FHIT: variants seen among roughly 807,000 people sequenced by gnomAD.
FHIT encodes the protein fragile histidine triad diadenosine triphosphatase, also known as bis(5'-adenosyl)-triphosphatase.
Under a neutral mutation model 17.9 loss-of-function variants are expected in FHIT, and 19 were observed. The ratio of observed to expected loss-of-function variants is 1.06; its 90% CI spans 0.74 to 1.56. The LOEUF is 1.56. Ranked by LOEUF, FHIT falls within the 40% of genes most tolerant of loss-of-function variation. The pLI is 0.00. For synonymous variants in FHIT, 81 were observed against 69.7 expected, an observed-to-expected ratio of 1.16 and a Z score of -0.81; for missense variants, 248 against 189.2, an observed-to-expected ratio of 1.31 and a Z score of -1.82.
intron 2 of FHIT, among the ~76,000 whole-genome samples, chr3:61,132,020 G>A (rs2036778878): frequency 6.6e-6 from 1 of 152,176 alleles, no homozygotes; most frequent in Non-Finnish European, 1.5e-5. Flanking sequence ...AAACAATTGA[G>A]GTAGAATAGG....
Position 60,536,850 on chromosome 3 carries a change from G to T in FHIT, c.103+10C>A. On this transcript the variant is annotated intron_variant, in intron 5 of 9. Transcript: ENST00000492590. ...TATTTTCCCTCTCCAAAAAAAAAAA[G>T]AAAGGATACGTCCTGGTACCACAGG... 1 of 1,548,544 alleles carries T rather than the reference G, an allele frequency of 6.5e-7. No individual in the cohort carries two copies. Among genetic ancestry groups the T allele is most frequent in the South Asian group, 1.3e-5 (1 of 79,402 alleles).
intron 4 of FHIT, among the ~76,000 whole-genome samples, chr3:60,621,388 A>G (rs1289894281): frequency 2.6e-5 from 4 of 151,930 alleles, no homozygotes; most frequent in Non-Finnish European, 5.9e-5. Flanking sequence ...TGACCTCATG[A>G]TCTGCCCGCC....
intron 5 of FHIT, among the ~76,000 whole-genome samples, chr3:60,455,742 C>T (rs965576168): frequency 7.9e-5 from 12 of 152,022 alleles, no homozygotes; most frequent in Non-Finnish European, 1.3e-4. Flanking sequence ...CTGAGAATGA[C>T]TTCCCTGCTT....
At chr3:59,853,148 T>C (rs1465362593) in intron 8 of FHIT, among the ~76,000 whole-genome samples, 2 of 152,326 alleles carry the variant, frequency 1.3e-5, no homozygotes, top group Admixed American at 6.5e-5. Flanking sequence ...CAGAAATGAA[T>C]GAGAGTTCCT....
At chr3:60,648,896 T>G (rs782262445) in intron 4 of FHIT, among the ~76,000 whole-genome samples, 3 of 152,138 alleles carry the variant, frequency 2.0e-5, no homozygotes, top group Non-Finnish European at 4.4e-5. Context: ...AAGGGGCACG[T>G]GGAGGAATAA....
chr3:61,182,805 C>T (rs13073875), intron 2 of FHIT, among the ~76,000 whole-genome samples: 1 of 152,152 alleles, frequency 6.6e-6, no homozygotes, highest in Admixed American at 6.5e-5. Context: ...TACAAAAGAG[C>T]AGACAGTAGC....
At chr3:60,606,333 C>T (rs759570224) in intron 4 of FHIT, among the ~76,000 whole-genome samples, 19 of 151,744 alleles carry the variant, frequency 1.3e-4, no homozygotes, top group African/African-American at 3.6e-4. Flanking sequence ...CTCTGCCTCC[C>T]GGATTCAAGT....
chr3:60,198,925 A>C lies in FHIT; in HGVS notation c.104-184773T>G, dbSNP rs557590938. ...AGAGAACAAAATTTAAACTAAGTGGAGCACAGGATCATTAACATATTTCCT... is the reference window on the plus strand; with the variant it reads ...AGAGAACAAAATTTAAACTAAGTGGCGCACAGGATCATTAACATATTTCCT... On this transcript the variant is annotated intron_variant, in intron 5 of 9. Transcript: ENST00000492590. Among the ~76,000 whole-genome samples the C allele has an allele frequency of 5.3e-5, 8 of 152,330 alleles. No individual in the cohort carries two copies. The East Asian group carries it at 7.7e-4, about 15-fold the overall frequency.
intron 5 of FHIT, among the ~76,000 whole-genome samples, chr3:60,090,635 C>G (rs911443189): frequency 2.6e-5 from 4 of 152,130 alleles, no homozygotes; most frequent in Admixed American, 2.6e-4. Context: ...AGGTGACAAC[C>G]CTTTCTCTGC....
chr3:59,962,354 G>C (rs1281817677), intron 7 of FHIT, among the ~76,000 whole-genome samples: 3 of 152,104 alleles, frequency 2.0e-5, no homozygotes, highest in South Asian at 2.1e-4. Context: ...TCATTTCATT[G>C]TTCAAAGTTT....
At chr3:60,007,325 G>C (rs1699963644) in intron 7 of FHIT, among the ~76,000 whole-genome samples, 1 of 152,190 alleles carries the variant, frequency 6.6e-6, no homozygotes, top group African/African-American at 2.4e-5. Context: ...GGAAATTTTA[G>C]TCTTCGTTAG....
chr3:60,721,377 G>T (rs557315762), intron 4 of FHIT, among the ~76,000 whole-genome samples: 2 of 151,372 alleles, frequency 1.3e-5, no homozygotes, highest in South Asian at 4.2e-4. Flanking sequence ...TGCCAAAGAA[G>T]CTTTATCTCT....
chr3:60,961,232 T>C (rs1709423317), intron 3 of FHIT, among the ~76,000 whole-genome samples: 1 of 152,232 alleles, frequency 6.6e-6, no homozygotes, highest in South Asian at 2.1e-4. Flanking sequence ...AAATGTCTTC[T>C]TTTGAGAAGT....
intron 5 of FHIT, among the ~76,000 whole-genome samples, chr3:60,097,762 G>A (rs1248904073): frequency 6.0e-5 from 9 of 149,376 alleles, no homozygotes; most frequent in East Asian, 2.0e-4. Flanking sequence ...TGTGCACAAT[G>A]TGCAGGTTTG....
chr3:60,786,643 A>G (rs1314690016), intron 4 of FHIT, among the ~76,000 whole-genome samples: 3 of 152,216 alleles, frequency 2.0e-5, no homozygotes, highest in Non-Finnish European at 2.9e-5. Flanking sequence ...TAACTTTTAT[A>G]TATAATTATA....
At chr3:59,851,238 C>G (rs990747180) in intron 8 of FHIT, among the ~76,000 whole-genome samples, 1 of 152,096 alleles carries the variant, frequency 6.6e-6, no homozygotes, top group Non-Finnish European at 1.5e-5. Flanking sequence ...ACGATCAGAG[C>G]TCATTAATTA....
chr3:60,375,807 T>C (rs1393646494), intron 5 of FHIT, among the ~76,000 whole-genome samples: 1 of 152,108 alleles, frequency 6.6e-6, no homozygotes, highest in East Asian at 1.9e-4. Flanking sequence ...AGAAAGACCT[T>C]CCCAGATCCT....
intron 4 of FHIT, among the ~76,000 whole-genome samples, chr3:60,702,040 T>G (rs1005917497): frequency 6.6e-6 from 1 of 152,180 alleles, no homozygotes; most frequent in Non-Finnish European, 1.5e-5. Context: ...TTTTTGTATA[T>G]TTTATACAGA....
intron 1 of FHIT, among the ~76,000 whole-genome samples, chr3:61,222,905 T>G (rs1034637072): frequency 1.3e-5 from 2 of 152,214 alleles, no homozygotes; most frequent in Non-Finnish European, 2.9e-5. Context: ...TTTGAGAGGT[T>G]TCAAAAGACA....
Sources: allele counts gnomAD v4.1 joint callset (sites outside exome capture counted in the v4.1 genomes callset), GRCh38; gene constraint gnomAD v4.1.1; transcripts MANE v1.5; gene names NCBI Gene and HGNC (gene_info 2026-07-23, HGNC 2026-07-21).